The following IPCEF1 variants were observed in gnomAD, a reference collection of about 807,000 sequenced individuals.
IPCEF1 encodes the protein interactor protein for cytohesin exchange factors 1.
IPCEF1 carries 31 observed loss-of-function variants against 50.9 expected under a neutral mutation model. The observed-to-expected ratio is 0.61, with a 90% CI of 0.46 to 0.82. The LOEUF (loss-of-function observed/expected upper bound fraction) is 0.82. Ranked by LOEUF, IPCEF1 falls within the 40% of genes least tolerant of loss-of-function variation. IPCEF1 has a pLI of 0.00. For synonymous variants in IPCEF1, 181 were observed against 192.0 expected (o/e 0.94, Z 0.47); for missense variants, 458 against 514.0 (o/e 0.89, Z 1.05).
At chr6:154,256,581 GTGTGTC>G (rs1441093001) in intron 3 of IPCEF1, among the ~76,000 whole-genome samples, 7 of 151,166 alleles carry the variant, frequency 4.6e-5, no homozygotes, top group Non-Finnish European at 8.9e-5. Context: ...GTGTGTGTGT[GTGTGTC>G]TCTCTCACAC....
intron 1 of IPCEF1, among the ~76,000 whole-genome samples, chr6:154,355,080 A>C (rs1301378712): frequency 1.3e-5 from 2 of 151,934 alleles, no homozygotes; most frequent in African/African-American, 4.8e-5. Context: ...CAAATTGTTA[A>C]CCTGTACTGC....
At chr6:154,283,405 G>C (rs1782277902) in intron 2 of IPCEF1, among the ~76,000 whole-genome samples, 2 of 151,540 alleles carry the variant, frequency 1.3e-5, no homozygotes, top group Non-Finnish European at 1.5e-5. Context: ...GACCATCCTG[G>C]CTAACATGGT....
At chr6:154,354,842 A>G (rs1449518310) in intron 1 of IPCEF1, among the ~76,000 whole-genome samples, 1 of 152,166 alleles carries the variant, frequency 6.6e-6, no homozygotes, top group Non-Finnish European at 1.5e-5. Flanking sequence ...TGGCTTTCCT[A>G]CCACATTCAT....
chr6:154,288,676 C>CAAAAAAAAAAAAA (rs558703057), intron 2 of IPCEF1, among the ~76,000 whole-genome samples: 20 of 46,852 alleles, frequency 4.3e-4, no homozygotes, highest in Non-Finnish European at 8.4e-4. Context: ...ACAAAAAAAA[C>CAAAAAAAAAAAAA]AAAAAAAAAA....
At chr6:154,338,643 T>C (rs565519790) in intron 1 of IPCEF1, among the ~76,000 whole-genome samples, 1 of 152,314 alleles carries the variant, frequency 6.6e-6, no homozygotes, top group Admixed American at 6.5e-5. Flanking sequence ...GACCTCTAAA[T>C]GTTAACTGCC....
At chr6:154,208,695 G>T (rs867114137) in intron 9 of IPCEF1, among the ~76,000 whole-genome samples, 1 of 152,118 alleles carries the variant, frequency 6.6e-6, no homozygotes, top group Non-Finnish European at 1.5e-5. Flanking sequence ...AAACTTGAAG[G>T]AAAAATACCT....
intron 10 of IPCEF1, among the ~76,000 whole-genome samples, chr6:154,176,627 T>G (rs766537853): frequency 6.6e-6 from 1 of 152,076 alleles, no homozygotes; most frequent in Non-Finnish European, 1.5e-5. Flanking sequence ...ATGAAGGACC[T>G]CCTCAAGGAG....
intron 3 of IPCEF1, among the ~76,000 whole-genome samples, chr6:154,260,817 T>A (rs1313688405): frequency 6.6e-6 from 1 of 152,040 alleles, no homozygotes; most frequent in Non-Finnish European, 1.5e-5. Context: ...TATATGCTAG[T>A]ATTATTTATT....
chr6:154,265,919 C>G lies in IPCEF1; in HGVS notation c.29G>C (p.Ser10Thr). MTSYMAIDGSALQVPLRQKP... is the reference protein window; with the variant it reads MTSYMAIDGTALQVPLRQKP... ...ATTCCAAAGGATACTTACAAGAGCA[C>G]TGCCATCAATAGCCATGTATGATGT... Residue 10 changes from serine to threonine, a missense_variant, in exon 3 of 12, where the codon AGT becomes ACT. Ser to Thr is a moderately conservative substitution (Grantham distance 58). Coordinates refer to ENST00000367220, the MANE Select transcript of IPCEF1 (RefSeq NM_001130700.2). 6.2e-7 allele frequency: 1 copy of G among 1,600,600 alleles called. No homozygotes were observed. Among genetic ancestry groups the G allele is most frequent in the South Asian group, 1.1e-5 (1 of 88,870 alleles).
Position 154,154,748 on chromosome 6 carries a change from C to T in IPCEF1, c.*5080G>A, listed in dbSNP as rs566288718. ...TTTTCTTATTTTTATTTTTATCTTA[C>T]AAGTCAACCTCAAAAACATAAAGCA... On this transcript the variant is annotated 3_prime_UTR_variant, in exon 12 of 12. Coordinates refer to ENST00000367220, the MANE Select transcript of IPCEF1 (RefSeq NM_001130700.2). The T allele has an allele frequency of 6.6e-6, 1 of 152,314 alleles. No homozygotes were observed. Among genetic ancestry groups the T allele is most frequent in the South Asian group, 2.1e-4 (1 of 4,814 alleles). The allele number at this position is 152,314 out of a possible 1,614,324, so 9.4% of individuals were successfully genotyped here.
At chr6:154,339,437 A>AT (rs201885601) in intron 1 of IPCEF1, among the ~76,000 whole-genome samples, 14,772 of 143,280 alleles carry the variant, frequency 0.1, 927 homozygotes, top group South Asian at 0.32. Context: ...TTAATCTTTA[A>AT]TTTTTTTTTT....
chr6:154,213,077 G>A, intron 8 of IPCEF1: 1 of 510,380 alleles, frequency 2.0e-6, no homozygotes. Context: ...CATCCAATAT[G>A]CAGGAAGAAG....
At chr6:154,246,786 A>T (rs935600612) in intron 4 of IPCEF1, 26 bp from the exon 5 acceptor site, 5 of 1,611,952 alleles carry the variant, frequency 3.1e-6, no homozygotes, top group Non-Finnish European at 4.2e-6. Context: ...GAAGAGGTAG[A>T]TAATGTATTA....
intron 1 of IPCEF1, among the ~76,000 whole-genome samples, chr6:154,331,153 G>A (rs1304734415): frequency 2.6e-5 from 4 of 152,076 alleles, no homozygotes; most frequent in Non-Finnish European, 5.9e-5. Flanking sequence ...TGAAGTCCCA[G>A]CTACTCAGGA....
chr6:154,207,196 C>T (rs763003844), intron 9 of IPCEF1, among the ~76,000 whole-genome samples: 2 of 152,286 alleles, frequency 1.3e-5, no homozygotes, highest in South Asian at 2.1e-4. Context: ...CACCGGGCTG[C>T]GTGACTGACT....
At chr6:154,219,889 T>G (rs749695862) in intron 7 of IPCEF1, among the ~76,000 whole-genome samples, 3 of 152,068 alleles carry the variant, frequency 2.0e-5, no homozygotes, top group Non-Finnish European at 2.9e-5. Context: ...TACAAAGCCA[T>G]TCTGTCCTCA....
At chr6:154,194,582 A>G (rs577288412) in intron 10 of IPCEF1, among the ~76,000 whole-genome samples, 2 of 151,684 alleles carry the variant, frequency 1.3e-5, no homozygotes, top group African/African-American at 2.4e-5. Context: ...GTACCTCCAA[A>G]CTCTAGATTA....
intron 10 of IPCEF1, among the ~76,000 whole-genome samples, chr6:154,189,577 T>G (rs2128578989): frequency 6.6e-6 from 1 of 152,304 alleles, no homozygotes; most frequent in South Asian, 2.1e-4. Context: ...ATTTTGAATG[T>G]TGTTACCACA....
chr6:154,211,806 A>G (rs1211881164), intron 9 of IPCEF1, among the ~76,000 whole-genome samples: 4 of 152,212 alleles, frequency 2.6e-5, no homozygotes, highest in African/African-American at 9.6e-5. Flanking sequence ...CTACTTTTGC[A>G]CCAAACTATA....
Sources: gnomAD v4.1 joint callset for allele counts (sites outside exome capture counted in the v4.1 genomes callset) on GRCh38, gnomAD v4.1.1 for gene constraint, MANE v1.5 for transcripts, NCBI Gene and HGNC (gene_info 2026-07-23, HGNC 2026-07-21) for gene names.